Variants in ZCWPW2 observed in about 807,000 individuals in gnomAD.
ZCWPW2 encodes the protein zinc finger CW-type PWWP domain protein 2.
Under a neutral mutation model 46.6 loss-of-function variants are expected in ZCWPW2, and 45 were observed. That is an observed-to-expected ratio of 0.96 (90% CI 0.76 to 1.24). The LOEUF is 1.24. Ranked by LOEUF, ZCWPW2 falls within the 50% of genes most tolerant of loss-of-function variation. The probability of loss-of-function intolerance (pLI) is 0.00; values close to 1 mark genes in which losing one functional copy is unlikely to be tolerated. For missense variants in ZCWPW2, 429 were observed against 403.9 expected, an observed-to-expected ratio of 1.06 and a Z score of -0.53; for synonymous variants, 152 against 137.1, an observed-to-expected ratio of 1.11 and a Z score of -0.76.
chr3:28,435,967 A>T (rs1360433664), intron 4 of ZCWPW2, among the ~76,000 whole-genome samples: 2 of 152,160 alleles, frequency 1.3e-5, no homozygotes, highest in Non-Finnish European at 2.9e-5. Context: ...CCAGTTTTTC[A>T]ATTTCAAATG....
chr3:28,362,002 C>T (rs1704960891), intron 1 of ZCWPW2, among the ~76,000 whole-genome samples: 1 of 151,842 alleles, frequency 6.6e-6, no homozygotes, highest in Admixed American at 6.6e-5. Flanking sequence ...GCCTTGTAAT[C>T]CAGCAATCCT....
intron 2 of ZCWPW2, among the ~76,000 whole-genome samples, chr3:28,411,737 T>C (rs1384591271): frequency 3.3e-5 from 5 of 152,090 alleles, no homozygotes; most frequent in Admixed American, 2.6e-4. Flanking sequence ...GCAATCCACA[T>C]TGCGTTTTTG....
At position 28,408,782 on chromosome 3, in the gene ZCWPW2, CTCAT is replaced by C. The variant is rs538323817; in HGVS notation, c.-13-4271_-13-4268del. On this transcript the variant is annotated intron_variant, in intron 2 of 9. Coordinates refer to ENST00000383768, the MANE Select transcript of ZCWPW2 (RefSeq NM_001040432.4). ...CTTGAATGAACTCGTTATTGATAAT[CTCAT>C]TCTTTCTAGATCTGTACCCCAACTA... Among the ~76,000 whole-genome samples, 386 of 152,270 alleles carry C rather than the reference CTCAT, an allele frequency of 2.5e-3. 1 individual carries two copies. The highest frequency in any genetic ancestry group is 8.4e-3 in the African/African-American group (350 of 41,558).
intron 4 of ZCWPW2, among the ~76,000 whole-genome samples, chr3:28,463,476 C>T (rs1234778388): frequency 6.6e-6 from 1 of 151,904 alleles, no homozygotes; most frequent in Non-Finnish European, 1.5e-5. Flanking sequence ...GTCTGTTTTG[C>T]TGTTGGGAGA....
chr3:28,482,673 G>A (rs1699471114), intron 5 of ZCWPW2, among the ~76,000 whole-genome samples: 1 of 152,138 alleles, frequency 6.6e-6, no homozygotes, highest in South Asian at 2.1e-4. Context: ...TGGTGTCAGT[G>A]TTTTGGGTTT....
At chr3:28,376,108 G>A (rs777047655) in intron 1 of ZCWPW2, among the ~76,000 whole-genome samples, 1 of 151,966 alleles carries the variant, frequency 6.6e-6, no homozygotes, top group Non-Finnish European at 1.5e-5. Flanking sequence ...AAACATAGGG[G>A]TACCGATGTC....
At chr3:28,406,834 T>C (rs970603466) in intron 2 of ZCWPW2, among the ~76,000 whole-genome samples, 1 of 149,812 alleles carries the variant, frequency 6.7e-6, no homozygotes, top group Non-Finnish European at 1.5e-5. Context: ...TTCTTTTTTT[T>C]TTTTTTTTTG....
Position 28,524,597 on chromosome 3 carries a change from T to G in ZCWPW2, c.980T>G (p.Val327Gly), listed in dbSNP as rs374257615. The change falls in exon 10 of 10, where the codon GTA (valine) becomes GGA (glycine). Residue 327 changes from valine to glycine, a missense_variant. Val to Gly is a moderately radical substitution (Grantham distance 109). Coordinates refer to ENST00000383768, the MANE Select transcript of ZCWPW2 (RefSeq NM_001040432.4). The part of the protein sequence containing the change: ...FENHYEEDYL[V>G]IDGIKLKAGE... ...AACCACTATGAAGAGGACTATCTTG[T>G]AATTGATGGGATAAAATTAAAAGCT... The G allele has an allele frequency of 4.3e-6, 7 of 1,609,780 alleles. No homozygotes were observed. Among genetic ancestry groups the G allele is most frequent in the Non-Finnish European group, 5.9e-6 (7 of 1,177,942 alleles).
At chr3:28,414,286 A>G (rs1390105113) in intron 3 of ZCWPW2, among the ~76,000 whole-genome samples, 1 of 151,358 alleles carries the variant, frequency 6.6e-6, no homozygotes, top group Non-Finnish European at 1.5e-5. Context: ...CTTTCTTGTC[A>G]AAATTACAAA....
At chr3:28,411,446 G>A (rs904390694) in intron 2 of ZCWPW2, among the ~76,000 whole-genome samples, 3 of 151,192 alleles carry the variant, frequency 2.0e-5, no homozygotes, top group Admixed American at 6.6e-5. Context: ...ACAAACATTC[G>A]AAGCATTCTC....
chr3:28,387,392 G>A (rs569816118), intron 1 of ZCWPW2, among the ~76,000 whole-genome samples: 3 of 152,076 alleles, frequency 2.0e-5, no homozygotes, highest in Admixed American at 6.6e-5. Context: ...TTACTCTTCT[G>A]TAATTTCCTG....
chr3:28,486,420 CTTG>C (rs58541075), intron 5 of ZCWPW2, among the ~76,000 whole-genome samples: 4,045 of 152,076 alleles, frequency 0.027, 158 homozygotes, highest in African/African-American at 0.087. Flanking sequence ...TTTCAGTGCT[CTTG>C]TTGTCTTTGT....
chr3:28,504,389 T>C (rs570420831), intron 6 of ZCWPW2, among the ~76,000 whole-genome samples: 1 of 151,664 alleles, frequency 6.6e-6, no homozygotes, highest in Non-Finnish European at 1.5e-5. Context: ...ATGAGAGAGA[T>C]CTTCTTATGC....
intron 9 of ZCWPW2, among the ~76,000 whole-genome samples, chr3:28,522,942 C>G (rs1363336659): frequency 6.6e-6 from 1 of 152,078 alleles, no homozygotes. Flanking sequence ...TTAGCGGTTT[C>G]TTTTCAAAAA....
chr3:28,500,911 C>A (rs961364982), intron 6 of ZCWPW2, among the ~76,000 whole-genome samples: 1 of 152,152 alleles, frequency 6.6e-6, no homozygotes, highest in African/African-American at 2.4e-5. Flanking sequence ...GAGTTGCAGT[C>A]AGGCTTCAAA....
intron 1 of ZCWPW2, among the ~76,000 whole-genome samples, chr3:28,379,375 A>G (rs964059640): frequency 3.3e-5 from 5 of 152,182 alleles, no homozygotes; most frequent in African/African-American, 7.2e-5. Context: ...TACATTAAAA[A>G]GACAGCCTTA....
Position 28,413,290 on chromosome 3 carries a change from T to C in ZCWPW2, c.222T>C (p.Ser74=), listed in dbSNP as rs751002578. ...CAAGATATAATAACTGCTCAATTTC[T>C]GAAGAAGACTTCCCTGAAGAGTCTC... ...TDSRYNNCSI[S]EEDFPEESQL... The change falls in exon 3 of 10, where the codon TCT becomes TCC. Residue 74 remains serine, a synonymous_variant. Coordinates refer to ENST00000383768, the MANE Select transcript of ZCWPW2 (RefSeq NM_001040432.4). 1.2e-6 allele frequency: 2 copies of C among 1,613,198 alleles called. No individual in the cohort carries two copies. The highest frequency in any genetic ancestry group is 2.7e-5 in the African/African-American group (2 of 74,880).
chr3:28,438,985 A>G (rs1319946244), intron 4 of ZCWPW2, among the ~76,000 whole-genome samples: 1 of 151,222 alleles, frequency 6.6e-6, no homozygotes, highest in African/African-American at 2.4e-5. Context: ...GTCTCAGTGT[A>G]TTAGTCAGGG....
chr3:28,386,172 G>A (rs750186475), intron 1 of ZCWPW2, among the ~76,000 whole-genome samples: 12 of 152,040 alleles, frequency 7.9e-5, no homozygotes, highest in South Asian at 2.1e-4. Context: ...AGGAATAAAC[G>A]CGTTCATAAA....
Sources: gnomAD v4.1 joint callset for allele counts (sites outside exome capture counted in the v4.1 genomes callset) on GRCh38, gnomAD v4.1.1 for gene constraint, MANE v1.5 for transcripts, NCBI Gene and HGNC (gene_info 2026-07-23, HGNC 2026-07-21) for gene names.